The following CSMD3 variants were observed in gnomAD, a reference collection of about 807,000 sequenced individuals.
CSMD3 encodes CUB and Sushi multiple domains 3, also known as CUB and sushi domain-containing protein 3.
Under a neutral mutation model 435.2 loss-of-function variants are expected in CSMD3, and 177 were observed. The observed-to-expected ratio is 0.41, with a 90% CI of 0.36 to 0.46. The LOEUF (loss-of-function observed/expected upper bound fraction) is 0.46. Ranked by LOEUF, CSMD3 falls within the 20% of genes least tolerant of loss-of-function variation. CSMD3 has a pLI of 0.34. For missense variants in CSMD3, 4,265 were observed against 4,504.6 expected (o/e 0.95, Z 1.52); for synonymous variants, 1,656 against 1,520.5 (o/e 1.09, Z -2.07).
At chr8:113,278,529 AC>A in intron 3 of CSMD3, 62 bp downstream of exon 3, 1 of 788,598 alleles carries the variant, frequency 1.3e-6, no homozygotes, top group Non-Finnish European at 2.3e-6. Context: ...CTTCTTTCCT[AC>A]TTGAAAAATT....
intron 27 of CSMD3, among the ~76,000 whole-genome samples, chr8:112,527,162 A>G (rs1452845435): frequency 1.3e-5 from 2 of 151,944 alleles, no homozygotes; most frequent in African/African-American, 4.8e-5. Context: ...TAAGGGAGAG[A>G]GATTTTCAAA....
chr8:113,069,820 T>G (rs2089026015), intron 5 of CSMD3, among the ~76,000 whole-genome samples: 1 of 152,132 alleles, frequency 6.6e-6, no homozygotes, highest in South Asian at 2.1e-4. Context: ...AGCCCCTTTA[T>G]GACTGTCTTG....
chr8:113,343,356 A>G (rs953072186), intron 1 of CSMD3, among the ~76,000 whole-genome samples: 1 of 152,192 alleles, frequency 6.6e-6, no homozygotes, highest in African/African-American at 2.4e-5. Context: ...GATGGACTTT[A>G]TATCAGATTG....
intron 13 of CSMD3, among the ~76,000 whole-genome samples, chr8:112,787,948 A>G (rs1179605737): frequency 6.6e-6 from 1 of 152,138 alleles, no homozygotes; most frequent in Non-Finnish European, 1.5e-5. Context: ...AAAGAGTTTT[A>G]TTGGAATGTT....
chr8:112,571,679 G>A (rs1288567442), intron 24 of CSMD3, among the ~76,000 whole-genome samples: 1 of 151,670 alleles, frequency 6.6e-6, no homozygotes, highest in African/African-American at 2.4e-5. Context: ...CACCAGACTG[G>A]CCAACATGGT....
At chr8:113,356,369 T>C (rs7840910) in intron 1 of CSMD3, among the ~76,000 whole-genome samples, 142,207 of 152,186 alleles carry the variant, frequency 0.93, 66,555 homozygotes, top group East Asian at 1. Context: ...ACTATGTTCA[T>C]CAAACCTGAG....
intron 7 of CSMD3, among the ~76,000 whole-genome samples, chr8:112,961,292 A>G (rs1306141016): frequency 6.6e-6 from 1 of 151,830 alleles, no homozygotes; most frequent in Non-Finnish European, 1.5e-5. Context: ...ATGTTCTCTG[A>G]ATTTCTAACT....
intron 6 of CSMD3, among the ~76,000 whole-genome samples, chr8:112,976,618 A>C (rs938121511): frequency 1.3e-5 from 2 of 152,102 alleles, no homozygotes; most frequent in African/African-American, 4.8e-5. Context: ...CAAGTGAAGA[A>C]AAGAGAATTT....
intron 3 of CSMD3, among the ~76,000 whole-genome samples, chr8:113,179,361 T>C (rs111834642): frequency 8.2e-4 from 125 of 151,812 alleles, no homozygotes; most frequent in Non-Finnish European, 1.4e-3. Flanking sequence ...CTTCTAGAGG[T>C]TGTGTCATAA....
At chr8:113,375,184 A>G (rs535156703) in intron 1 of CSMD3, among the ~76,000 whole-genome samples, 1 of 152,300 alleles carries the variant, frequency 6.6e-6, no homozygotes, top group South Asian at 2.1e-4. Context: ...ATGGGACAAC[A>G]TAACAGGTAT....
intron 11 of CSMD3, among the ~76,000 whole-genome samples, chr8:112,842,139 T>G (rs2080195120): frequency 6.6e-6 from 1 of 151,754 alleles, no homozygotes; most frequent in African/African-American, 2.4e-5. Context: ...CTTGAGGTGT[T>G]AGGTAGCTGG....
chr8:113,048,776 G>T (rs912876108), intron 5 of CSMD3, among the ~76,000 whole-genome samples: 1 of 152,052 alleles, frequency 6.6e-6, no homozygotes, highest in African/African-American at 2.4e-5. Context: ...CCCTTGTCCT[G>T]TGTCTACCTT....
intron 4 of CSMD3, among the ~76,000 whole-genome samples, chr8:113,167,235 C>G (rs1012210016): frequency 6.6e-6 from 1 of 152,012 alleles, no homozygotes; most frequent in Non-Finnish European, 1.5e-5. Context: ...GCTATTACTT[C>G]TATAAGATTT....
At chr8:112,911,832 AC>A (rs1465972196) in intron 10 of CSMD3, among the ~76,000 whole-genome samples, 2 of 147,900 alleles carry the variant, frequency 1.4e-5, no homozygotes, top group East Asian at 3.9e-4. Flanking sequence ...TAACATATAT[AC>A]ATTATATATA....
chr8:112,793,270 TG>T (rs1269754828), intron 13 of CSMD3, among the ~76,000 whole-genome samples: 4 of 149,402 alleles, frequency 2.7e-5, no homozygotes, highest in African/African-American at 9.7e-5. Context: ...TTGCTCATGA[TG>T]AATATATACT....
chr8:112,819,106 A>T (rs567143264), intron 12 of CSMD3, among the ~76,000 whole-genome samples: 2 of 152,094 alleles, frequency 1.3e-5, no homozygotes, highest in African/African-American at 4.8e-5. Context: ...CATATCCCAC[A>T]AGTAGAACAC....
intron 41 of CSMD3, among the ~76,000 whole-genome samples, chr8:112,344,116 T>C (rs754792167): frequency 7.2e-5 from 11 of 152,044 alleles, no homozygotes; most frequent in Non-Finnish European, 1.6e-4. Flanking sequence ...TCTCCTGACC[T>C]TGTGATCTGC....
chr8:112,245,663 G>A (rs371055181), intron 64 of CSMD3, among the ~76,000 whole-genome samples: 4 of 152,154 alleles, frequency 2.6e-5, no homozygotes, highest in African/African-American at 7.2e-5. Context: ...TCAGACTCCT[G>A]AGGAGCTGGG....
At chr8:113,284,553 C>A (rs2093632948) in intron 2 of CSMD3, among the ~76,000 whole-genome samples, 1 of 152,034 alleles carries the variant, frequency 6.6e-6, no homozygotes. Context: ...TTTGACATAT[C>A]TTTCTAGGAA....
Sources: gnomAD v4.1 joint callset for allele counts (sites outside exome capture counted in the v4.1 genomes callset) on GRCh38, gnomAD v4.1.1 for gene constraint, MANE v1.5 for transcripts, NCBI Gene and HGNC (gene_info 2026-07-23, HGNC 2026-07-21) for gene names.